Variants in PLOD2 observed in about 807,000 individuals in gnomAD.
The protein encoded by PLOD2 is procollagen-lysine,2-oxoglutarate 5-dioxygenase 2.
Under a neutral mutation model 101.0 loss-of-function variants are expected in PLOD2, and 65 were observed. The observed-to-expected ratio is 0.64, with a 90% CI of 0.53 to 0.79. The LOEUF is 0.79. PLOD2 is among the 30% of genes least tolerant of loss of function. PLOD2 has a pLI of 0.00. For missense variants in PLOD2, 909 were observed against 914.6 expected, an observed-to-expected ratio of 0.99 and a Z score of 0.08; for synonymous variants, 314 against 302.9, an observed-to-expected ratio of 1.04 and a Z score of -0.38.
intron 1 of PLOD2, among the ~76,000 whole-genome samples, chr3:146,126,933 A>G (rs1041368009): frequency 6.6e-6 from 1 of 152,156 alleles, no homozygotes; most frequent in Admixed American, 6.6e-5. Context: ...GATAGATTAA[A>G]ACAAGACTGG....
chr3:146,134,348 T>A (rs868613038), intron 1 of PLOD2, among the ~76,000 whole-genome samples: 1 of 152,184 alleles, frequency 6.6e-6, no homozygotes, highest in Non-Finnish European at 1.5e-5. Flanking sequence ...GAAAACACAT[T>A]TGATCCCTTC....
intron 3 of PLOD2, among the ~76,000 whole-genome samples, chr3:146,110,991 C>T (rs1334516399): frequency 3.9e-5 from 6 of 152,020 alleles, no homozygotes; most frequent in African/African-American, 1.4e-4. Context: ...GTTTTTAAAG[C>T]TCAATACACT....
At chr3:146,081,686 A>G in intron 12 of PLOD2, 52 bp downstream of exon 12, 1 of 1,478,562 alleles carries the variant, frequency 6.8e-7, no homozygotes, top group Non-Finnish European at 9.4e-7. Flanking sequence ...TAACAAGACT[A>G]CATCTTTAGA....
intron 13 of PLOD2, among the ~76,000 whole-genome samples, chr3:146,078,245 A>G (rs1328209715): frequency 6.6e-6 from 1 of 151,838 alleles, no homozygotes; most frequent in African/African-American, 2.4e-5. Context: ...TGCGCTGTTG[A>G]GTCAAATTAG....
chr3:146,148,591 T>C (rs974412218), intron 1 of PLOD2, among the ~76,000 whole-genome samples: 1 of 152,178 alleles, frequency 6.6e-6, no homozygotes, highest in African/African-American at 2.4e-5. Context: ...TACCCTAGTA[T>C]TTTAAAAACA....
At chr3:146,091,706 T>A (rs1175688347) in intron 8 of PLOD2, 94 bp downstream of exon 8, 1 of 737,640 alleles carries the variant, frequency 1.4e-6, no homozygotes, top group Non-Finnish European at 2.5e-6. Flanking sequence ...AAATCAAAAC[T>A]ATAAAATAAT....
chr3:146,110,434 A>C lies in PLOD2; in HGVS notation c.353T>G (p.Phe118Cys), dbSNP rs532364920. 1 of 1,612,584 alleles carries C rather than the reference A, an allele frequency of 6.2e-7. No homozygotes were observed. The highest frequency in any genetic ancestry group is 1.1e-5 in the South Asian group (1 of 91,000). Reference protein sequence around the residue: ...VMFTECFDVIFAGGPEEVLKK... With the variant: ...VMFTECFDVICAGGPEEVLKK... The stretch of plus-strand genomic sequence containing the variant: ...TAGAACTTCTTCTGGACCACCAGCA[A>C]ATATGACATCAAAGCTGTTCAATGA... The change falls in exon 4 of 20, where the codon TTT becomes TGT. Residue 118 changes from phenylalanine (F) to cysteine (C), a missense_variant. By Grantham distance (205) the Phe-to-Cys change is radical (BLOSUM62 -2). Coordinates refer to ENST00000282903, the MANE Select transcript of PLOD2 (RefSeq NM_182943.3).
chr3:146,119,639 G>A (rs555454531), intron 3 of PLOD2, among the ~76,000 whole-genome samples: 7 of 151,262 alleles, frequency 4.6e-5, no homozygotes, highest in Admixed American at 2.6e-4. Flanking sequence ...TCCCCTTCCT[G>A]TGTCCATGTG....
intron 7 of PLOD2, among the ~76,000 whole-genome samples, 181 bp from the exon 8 acceptor site, chr3:146,092,082 C>A (rs1936994262): frequency 6.7e-6 from 1 of 148,794 alleles, no homozygotes; most frequent in African/African-American, 2.5e-5. Flanking sequence ...AATTGTAAAG[C>A]AGGACAAAGT....
At chr3:146,152,750 T>TATAC (rs1192026571) in intron 1 of PLOD2, among the ~76,000 whole-genome samples, 1 of 152,186 alleles carries the variant, frequency 6.6e-6, no homozygotes, top group Non-Finnish European at 1.5e-5. Context: ...CAGTTTTATA[T>TATAC]ATACATTATT....
rs1204473398 is a variant in PLOD2 at position 146,115,968 on chromosome 3, G to C, written c.338+5144C>G. On this transcript the variant is annotated intron_variant, in intron 3 of 19. Transcript: ENST00000282903. ...AATCCATCATCTTGAGTCTCAACAA[G>C]AAGCAAAAGCTCCCATATAGCCAAA... 2.6e-5 allele frequency among the ~76,000 whole-genome samples: 4 copies of C among 152,078 alleles called. No individual in the cohort carries two copies. The East Asian group carries it at 7.7e-4, about 29-fold the overall frequency.
At position 146,119,971 on chromosome 3, in the gene PLOD2, C is replaced by T. The variant is rs569965926; in HGVS notation, c.338+1141G>A. The stretch of plus-strand genomic sequence containing the variant: ...GGGTATATACCCAGTAATGGGATGG[C>T]TGGGTCAAATGGTATTTCTAGTTCT... On this transcript the variant is annotated intron_variant, in intron 3 of 19. Coordinates refer to ENST00000282903, the MANE Select transcript of PLOD2 (RefSeq NM_182943.3). Among the ~76,000 whole-genome samples, 49 of 152,244 alleles carry T rather than the reference C, an allele frequency of 3.2e-4. 1 individual carries two copies. In the East Asian group the frequency reaches 7.9e-3, roughly 25 times the overall value.
intron 3 of PLOD2, among the ~76,000 whole-genome samples, chr3:146,113,103 A>G (rs1254172638): frequency 1.3e-5 from 2 of 152,192 alleles, no homozygotes; most frequent in African/African-American, 4.8e-5. Flanking sequence ...CTATTAATAA[A>G]TGTCAGTTGT....
At chr3:146,159,892 T>G (rs1233376201) in intron 1 of PLOD2, among the ~76,000 whole-genome samples, 1 of 152,202 alleles carries the variant, frequency 6.6e-6, no homozygotes, top group Non-Finnish European at 1.5e-5. Flanking sequence ...GCTACATGGA[T>G]TAGCTGGACT....
intron 8 of PLOD2, among the ~76,000 whole-genome samples, chr3:146,090,512 C>A (rs1182893423): frequency 2.6e-5 from 4 of 151,536 alleles, no homozygotes; most frequent in Non-Finnish European, 5.9e-5. Flanking sequence ...AACTCGCCCT[C>A]CAGAAGACAA....
At chr3:146,138,564 G>C (rs74924049) in intron 1 of PLOD2, among the ~76,000 whole-genome samples, 5,164 of 152,162 alleles carry the variant, frequency 0.034, 124 homozygotes, top group Non-Finnish European at 0.054. Flanking sequence ...TGACTGGGCT[G>C]GGTTCAGGCC....
chr3:146,138,745 A>C (rs2031371328), intron 1 of PLOD2, among the ~76,000 whole-genome samples: 1 of 152,176 alleles, frequency 6.6e-6, no homozygotes, highest in African/African-American at 2.4e-5. Context: ...ATAGCAAGCT[A>C]GTAGAGGATT....
intron 7 of PLOD2, among the ~76,000 whole-genome samples, chr3:146,095,009 G>T (rs997404062): frequency 1.3e-5 from 2 of 152,144 alleles, no homozygotes; most frequent in Admixed American, 1.3e-4. Context: ...GGGAAAACTG[G>T]CTAGCCATAT....
rs746176371 is a variant in PLOD2, at chr3:146,088,550, G to A, written c.1005+36C>T. The A allele has an allele frequency of 4.3e-6, 6 of 1,402,626 alleles. No homozygotes were observed. In the Admixed American group the frequency reaches 8.9e-5, roughly 21 times the overall value. The allele number at this position is 1,402,626 out of a possible 1,614,324, so 86.9% of individuals were successfully genotyped here. ...ATAGTTCCAAAAAAGACCAAAAATA[G>A]TTTTGACATAAAATATTCATTTCTC... On this transcript the variant is annotated intron_variant, in intron 9 of 19. Coordinates refer to ENST00000282903, the MANE Select transcript of PLOD2 (RefSeq NM_182943.3).
Sources: allele counts gnomAD v4.1 joint callset (sites outside exome capture counted in the v4.1 genomes callset), GRCh38; gene constraint gnomAD v4.1.1; transcripts MANE v1.5; gene names NCBI Gene and HGNC (gene_info 2026-07-23, HGNC 2026-07-21).